FBLN5: variants seen among roughly 807,000 people sequenced by gnomAD.
FBLN5 encodes fibulin 5, also known as fibulin-5.
In FBLN5, 24 loss-of-function variants were observed where a neutral mutation model predicts 61.6. That is an observed-to-expected ratio of 0.39 (90% CI 0.28 to 0.55). The LOEUF is 0.55. Ranked by LOEUF, FBLN5 falls within the 20% of genes least tolerant of loss-of-function variation. FBLN5 has a pLI of 0.65. For missense variants in FBLN5, 470 were observed against 594.1 expected (o/e 0.79, Z 2.17); for synonymous variants, 213 against 219.8 (o/e 0.97, Z 0.27).
chr14:91,890,521 G>T (rs892436630), intron 6 of FBLN5, among the ~76,000 whole-genome samples: 6 of 152,198 alleles, frequency 3.9e-5, no homozygotes, highest in African/African-American at 1.4e-4. Context: ...TAATTCCTTG[G>T]GTCTTAAGTC....
intron 4 of FBLN5, among the ~76,000 whole-genome samples, chr14:91,928,891 T>G (rs2055874888): frequency 1.3e-5 from 2 of 150,848 alleles, no homozygotes; most frequent in African/African-American, 4.9e-5. Context: ...ACCCCATCTC[T>G]ACTAAAAATA....
chr14:91,922,312 AAG>A (rs2055750543), intron 4 of FBLN5, among the ~76,000 whole-genome samples: 1 of 132,088 alleles, frequency 7.6e-6, no homozygotes, highest in Admixed American at 8.0e-5. Context: ...AATAATAATA[AAG>A]TAAATAAATA....
intron 4 of FBLN5, among the ~76,000 whole-genome samples, chr14:91,933,203 T>C (rs2055956117): frequency 6.6e-6 from 1 of 152,216 alleles, no homozygotes; most frequent in East Asian, 1.9e-4. Flanking sequence ...GGATATTTAA[T>C]GATAAAAAGA....
At chr14:91,946,843 A>C in intron 1 of FBLN5, 1 of 1,517,388 alleles carries the variant, frequency 6.6e-7, no homozygotes, top group South Asian at 1.2e-5. Flanking sequence ...GATGCGGCGC[A>C]GTAATTGCTA....
At chr14:91,944,011 A>G (rs535562141) in intron 1 of FBLN5, among the ~76,000 whole-genome samples, 2 of 150,638 alleles carry the variant, frequency 1.3e-5, no homozygotes, top group African/African-American at 2.4e-5. Context: ...ATCCAGTAAG[A>G]TTGTGGCCAG....
chr14:91,879,475 G>C (rs553229944), intron 9 of FBLN5, among the ~76,000 whole-genome samples: 1 of 152,296 alleles, frequency 6.6e-6, no homozygotes, highest in East Asian at 1.9e-4. Flanking sequence ...TGGAGTGAGG[G>C]AGTCACGGAG....
chr14:91,877,916 T>C (rs1595293646), intron 9 of FBLN5: 4 of 620,194 alleles, frequency 6.4e-6, no homozygotes, highest in African/African-American at 3.6e-5. Flanking sequence ...GGCTACTAAA[T>C]AGAATACAAA....
At chr14:91,873,887 G>C (rs965406370) in intron 10 of FBLN5, 1 of 152,290 alleles carries the variant, frequency 6.6e-6, no homozygotes, top group African/African-American at 2.4e-5. Context: ...CCTGTCACTT[G>C]ATCCACGTGT....
At chr14:91,909,302 G>A (rs1890820177) in intron 4 of FBLN5, among the ~76,000 whole-genome samples, 5 of 152,198 alleles carry the variant, frequency 3.3e-5, no homozygotes, top group Admixed American at 3.3e-4. Context: ...ATAAGACTGT[G>A]AGTGATGCGA....
chr14:91,912,056 CACAA>C (rs143009749), intron 4 of FBLN5, among the ~76,000 whole-genome samples: 4,408 of 152,336 alleles, frequency 0.029, 227 homozygotes, highest in African/African-American at 0.1. Flanking sequence ...TAGTTTAATG[CACAA>C]ACATTGTTAT....
chr14:91,877,556 G>A lies in FBLN5; in HGVS notation c.1116C>T (p.Thr372=). The change falls in exon 10 of 11, where the codon ACC becomes ACT. Residue 372 remains threonine (T), a synonymous_variant. Transcript: ENST00000342058. ...AAATGTAATAGGCCCCAGGGTAGCG[G>A]GTCGTGGCTTGCATTTGGAAGATGT... ...PADIFQMQAT[T]RYPGAYYIFQ... is the part of the protein sequence containing the mutation. The A allele has an allele frequency of 6.2e-7, 1 of 1,614,164 alleles. No homozygotes were observed. Among genetic ancestry groups the A allele is most frequent in the South Asian group, 1.1e-5 (1 of 91,082 alleles).
intron 4 of FBLN5, among the ~76,000 whole-genome samples, chr14:91,910,173 G>A (rs936788547): frequency 1.3e-5 from 2 of 152,220 alleles, no homozygotes; most frequent in Non-Finnish European, 2.9e-5. Context: ...ACATTCACAT[G>A]AGGGAATATT....
intron 4 of FBLN5, among the ~76,000 whole-genome samples, chr14:91,902,166 G>A (rs1301040986): frequency 6.6e-6 from 1 of 152,170 alleles, no homozygotes; most frequent in Non-Finnish European, 1.5e-5. Context: ...TCCCTGCCAC[G>A]GGGCCAGGGG....
rs781064747 is a variant in FBLN5, at chr14:91,891,256, C to G, written c.584G>C (p.Gly195Ala). Residue 195 changes from glycine (G) to alanine (A), a missense_variant, in exon 6 of 11, where the codon GGT becomes GCT. Coordinates refer to ENST00000342058, the MANE Select transcript of FBLN5 (RefSeq NM_006329.4). ...CCTTCCATCCTCATTGAGGGTAAAA[C>G]CAGGGTTGCATGTACAAGAATAGGA... Reference protein sequence around the residue: ...PGSYSCTCNPGFTLNEDGRSC... With the variant: ...PGSYSCTCNPAFTLNEDGRSC... The G allele has an allele frequency of 1.2e-6, 2 of 1,613,310 alleles. No homozygotes were observed. Among genetic ancestry groups the G allele is most frequent in the African/African-American group, 1.3e-5 (1 of 74,890 alleles).
intron 3 of FBLN5, among the ~76,000 whole-genome samples, chr14:91,937,587 T>C (rs1339142287): frequency 2.6e-5 from 4 of 152,010 alleles, no homozygotes; most frequent in Admixed American, 2.6e-4. Flanking sequence ...GATTAATGGG[T>C]TAATGGGTTA....
rs946141280 is a variant in FBLN5, at chr14:91,947,082, C to T, written c.17+131G>A. ...CTTTTTATAATTAACAATATCATTG[C>T]ATCACTAGCTCATGCCTTTTCCAAT... On this transcript the variant is annotated intron_variant, in intron 1 of 10. Coordinates refer to ENST00000342058, the MANE Select transcript of FBLN5 (RefSeq NM_006329.4). This position sits in a 1 kb window ranked among gnomAD's most constrained non-coding sequence, Gnocchi z 4.3. 2 of 1,539,224 alleles carry T rather than the reference C, an allele frequency of 1.3e-6. No homozygotes were observed. Among genetic ancestry groups the T allele is most frequent in the Non-Finnish European group, 1.8e-6 (2 of 1,131,292 alleles).
chr14:91,915,201 T>C lies in FBLN5; in HGVS notation c.380-20129A>G, dbSNP rs551199562. Among the ~76,000 whole-genome samples the C allele has an allele frequency of 8.6e-5, 13 of 151,598 alleles. No homozygotes were observed. In the East Asian group the frequency reaches 2.3e-3, roughly 27 times the overall value. ...TAAAAAAAAAAGAGTTAGCACAATA[T>C]TGGGAATGAAAATACAACAGAACTA... On this transcript the variant is annotated intron_variant, in intron 4 of 10. Coordinates refer to ENST00000342058, the MANE Select transcript of FBLN5 (RefSeq NM_006329.4).
chr14:91,899,480 A>T (rs1890369469), intron 4 of FBLN5, among the ~76,000 whole-genome samples: 1 of 152,254 alleles, frequency 6.6e-6, no homozygotes, highest in African/African-American at 2.4e-5. Flanking sequence ...CGTCATCTGC[A>T]TCAAGCAGCA....
chr14:91,877,665 G>A lies in FBLN5; in HGVS notation c.1007C>T (p.Ala336Val). Reference protein sequence around the residue: ...RISDNRCMCPAENPGCRDQPF... With the variant: ...RISDNRCMCPVENPGCRDQPF... ...CTGGTCTCTGCAGCCAGGGTTCTCA[G>A]CAGGACACATACAGCGGCTGTGGAA... Residue 336 changes from alanine to valine, a missense_variant, in exon 10 of 11, where the codon GCT becomes GTT. Ala to Val is a moderately conservative substitution (Grantham distance 64). Coordinates refer to ENST00000342058, the MANE Select transcript of FBLN5 (RefSeq NM_006329.4). 1 of 1,614,072 alleles carries A rather than the reference G, an allele frequency of 6.2e-7. No individual in the cohort carries two copies. The highest frequency in any genetic ancestry group is 1.1e-5 in the South Asian group (1 of 91,086).
Sources: gnomAD v4.1 joint callset for allele counts (sites outside exome capture counted in the v4.1 genomes callset) on GRCh38, gnomAD v4.1.1 for gene constraint, Gnocchi (gnomAD v3.1) non-coding constraint, MANE v1.5 for transcripts, NCBI Gene and HGNC (gene_info 2026-07-23, HGNC 2026-07-21) for gene names.